The following TRPC6 variants were observed in gnomAD, a reference collection of about 807,000 sequenced individuals.
TRPC6 encodes short transient receptor potential channel 6.
Under a neutral mutation model 90.7 loss-of-function variants are expected in TRPC6, and 55 were observed. The ratio of observed to expected loss-of-function variants is 0.61; its 90% CI spans 0.49 to 0.76. The LOEUF (loss-of-function observed/expected upper bound fraction) is 0.76, where lower values mean the gene tolerates loss of function less well. Ranked by LOEUF, TRPC6 falls within the 30% of genes least tolerant of loss-of-function variation. TRPC6 has a pLI of 0.00. For synonymous variants in TRPC6, 393 were observed against 393.0 expected (o/e 1.00, Z 0.00); for missense variants, 989 against 1,122.7 (o/e 0.88, Z 1.70).
chr11:101,559,563 G>T (rs1031211352), intron 1 of TRPC6, among the ~76,000 whole-genome samples: 1 of 151,658 alleles, frequency 6.6e-6, no homozygotes, highest in Non-Finnish European at 1.5e-5. Context: ...CAATTTGAAA[G>T]AATTTTTATT....
chr11:101,558,740 G>A (rs938244971), intron 1 of TRPC6, among the ~76,000 whole-genome samples: 1 of 151,998 alleles, frequency 6.6e-6, no homozygotes, highest in Non-Finnish European at 1.5e-5. Context: ...TTTGACAAAG[G>A]TGCCAAGAAT....
intron 2 of TRPC6, among the ~76,000 whole-genome samples, chr11:101,502,532 A>T (rs1220311323): frequency 2.0e-5 from 3 of 152,240 alleles, no homozygotes; most frequent in African/African-American, 7.2e-5. Context: ...AGGATACAGT[A>T]AAGGAAACAG....
chr11:101,572,435 G>A (rs111644106), intron 1 of TRPC6, among the ~76,000 whole-genome samples: 2,349 of 152,270 alleles, frequency 0.015, 64 homozygotes, highest in African/African-American at 0.053. Flanking sequence ...TTCAACCATT[G>A]TGGAAGACAG....
intron 1 of TRPC6, among the ~76,000 whole-genome samples, chr11:101,534,696 G>A (rs1271663341): frequency 6.6e-6 from 1 of 151,996 alleles, no homozygotes. Flanking sequence ...TAGAAGTAGT[G>A]GTTCATTTAG....
intron 2 of TRPC6, among the ~76,000 whole-genome samples, chr11:101,500,657 T>G (rs1185989271): frequency 6.6e-6 from 1 of 152,108 alleles, no homozygotes; most frequent in African/African-American, 2.4e-5. Context: ...AAATTTCATA[T>G]ATATGTGTGT....
intron 1 of TRPC6, among the ~76,000 whole-genome samples, chr11:101,573,242 G>A (rs892568494): frequency 2.0e-5 from 3 of 147,232 alleles, no homozygotes; most frequent in African/African-American, 7.3e-5. Flanking sequence ...TACCAGATGC[G>A]AGTCATTTTT....
chr11:101,581,035 G>T (rs1456576011), intron 1 of TRPC6, among the ~76,000 whole-genome samples: 1 of 152,166 alleles, frequency 6.6e-6, no homozygotes, highest in Non-Finnish European at 1.5e-5. Flanking sequence ...TGGATGAAAT[G>T]TAACTATAGA....
intron 11 of TRPC6, among the ~76,000 whole-genome samples, chr11:101,453,933 C>T (rs1225966960): frequency 6.6e-6 from 1 of 152,160 alleles, no homozygotes; most frequent in African/African-American, 2.4e-5. Context: ...AGGCTAATGA[C>T]TCAAAAGTGA....
In TRPC6 at chr11:101,452,076, C is replaced by A. The variant is rs1016016472; in HGVS notation, c.*879G>T. The A allele has an allele frequency of 1.3e-5, 2 of 152,148 alleles. No homozygotes were observed. Among genetic ancestry groups the A allele is most frequent in the African/African-American group, 4.8e-5 (2 of 41,426 alleles). 9.4% of individuals were successfully genotyped at this position (152,148 alleles called of 1,614,324 possible). A position where few individuals can be genotyped will look rare whatever the true frequency, so the allele number is the denominator to read the frequency against. ...GTGTGGGGATTCATCTGTAAATGCT[C>A]CCAGAAATGGCACAAAATTGTGCTA... On this transcript the variant is annotated 3_prime_UTR_variant, in exon 13 of 13. Coordinates refer to ENST00000344327, the MANE Select transcript of TRPC6 (RefSeq NM_004621.6).
Position 101,491,833 on chromosome 11 carries a change from A to AT in TRPC6, c.946-96dup, listed in dbSNP as rs200869151. ...AAGGATTTTATACTTTAAGAGAAAC[A>AT]TTCTTTTTTTTTTTTTTTTTTTTTT... On this transcript the variant is annotated intron_variant, in intron 2 of 12. Coordinates refer to ENST00000344327, the MANE Select transcript of TRPC6 (RefSeq NM_004621.6). 487 of 781,878 alleles carry AT rather than the reference A, an allele frequency of 6.2e-4. 4 individuals are homozygous for AT. Among genetic ancestry groups the AT allele is most frequent in the Middle Eastern group, 1.7e-3 (4 of 2,362 alleles). The allele number at this position is 781,878 out of a possible 1,614,324, so 48.4% of individuals were successfully genotyped here.
intron 1 of TRPC6, among the ~76,000 whole-genome samples, chr11:101,567,702 C>T (rs1049824248): frequency 2.6e-5 from 4 of 152,158 alleles, no homozygotes; most frequent in Admixed American, 1.3e-4. Context: ...CTGCAGCCTC[C>T]GCTGGTGATA....
chr11:101,510,750 A>G (rs887788840), intron 1 of TRPC6, among the ~76,000 whole-genome samples: 2 of 152,150 alleles, frequency 1.3e-5, no homozygotes, highest in Non-Finnish European at 2.9e-5. Flanking sequence ...ATCCATCTCT[A>G]TTGAAAATGC....
At chr11:101,543,893 T>C (rs1352985971) in intron 1 of TRPC6, among the ~76,000 whole-genome samples, 1 of 152,062 alleles carries the variant, frequency 6.6e-6, no homozygotes, top group Non-Finnish European at 1.5e-5. Context: ...TGCGATCTAA[T>C]TAAACTCAGG....
In TRPC6 at chr11:101,583,393, C is replaced by T. The variant is rs763984273; in HGVS notation, c.111G>A (p.Glu37=). The T allele has an allele frequency of 7.5e-6, 12 of 1,590,630 alleles. No homozygotes were observed. The highest frequency in any genetic ancestry group is 1.3e-5 in the African/African-American group (1 of 74,384). Residue 37 remains glutamate (E), a synonymous_variant, in exon 1 of 13, where the codon GAG becomes GAA. Coordinates refer to ENST00000344327, the MANE Select transcript of TRPC6 (RefSeq NM_004621.6). The stretch of plus-strand genomic sequence containing the variant: ...CTTGCGGGCAGCCGTCTTCTCCCAG[C>T]TCCGAGTCCATGAGCAGATAGTCCT... ...ESQDYLLMDS[E]LGEDGCPQAP... is the part of the protein sequence containing the mutation.
chr11:101,493,561 C>CT (rs1321645287), intron 2 of TRPC6, among the ~76,000 whole-genome samples: 137 of 152,154 alleles, frequency 9.0e-4, no homozygotes, highest in Non-Finnish European at 1.2e-4. Context: ...CTTTATCTCT[C>CT]TTATTTGTAG....
rs1295109167 is a variant in TRPC6, at chr11:101,503,271, G to C, written c.945+753C>G. 3.3e-5 allele frequency among the ~76,000 whole-genome samples: 5 copies of C among 152,246 alleles called. No individual in the cohort carries two copies. The East Asian group carries it at 9.7e-4, about 29-fold the overall frequency. ...TCTCTCCAGATACCTCTTATTAAGA[G>C]ATTGACTGGTCAAAGTTCTAATTTC... On this transcript the variant is annotated intron_variant, in intron 2 of 12. Transcript: ENST00000344327.
chr11:101,484,974 T>A (rs910538632), intron 4 of TRPC6, among the ~76,000 whole-genome samples: 1 of 152,154 alleles, frequency 6.6e-6, no homozygotes, highest in African/African-American at 2.4e-5. Context: ...TATCATTTCT[T>A]TGTGTTGAGA....
At chr11:101,540,875 G>A (rs1198684429) in intron 1 of TRPC6, among the ~76,000 whole-genome samples, 1 of 152,080 alleles carries the variant, frequency 6.6e-6, no homozygotes. Flanking sequence ...AAGGCACGCA[G>A]GAATCGTGAG....
intron 5 of TRPC6, among the ~76,000 whole-genome samples, chr11:101,477,825 C>G (rs565438326): frequency 6.6e-6 from 1 of 152,074 alleles, no homozygotes; most frequent in African/African-American, 2.4e-5. Context: ...TTATTGAGTG[C>G]TTACTATTTA....
Sources: allele counts gnomAD v4.1 joint callset (sites outside exome capture counted in the v4.1 genomes callset), GRCh38; gene constraint gnomAD v4.1.1; transcripts MANE v1.5; gene names NCBI Gene and HGNC (gene_info 2026-07-23, HGNC 2026-07-21).